The following TENM2 variants were observed in gnomAD, a reference collection of about 807,000 sequenced individuals.
TENM2 encodes the protein teneurin transmembrane protein 2, also known as teneurin-2.
TENM2 carries 52 observed loss-of-function variants against 245.2 expected under a neutral mutation model. The observed-to-expected ratio is 0.21, with a 90% confidence interval of 0.17 to 0.27. The LOEUF is 0.27. Ranked by LOEUF, TENM2 falls within the 10% of genes least tolerant of loss-of-function variation. TENM2 has a pLI of 1.00. For synonymous variants in TENM2, 1,363 were observed against 1,438.9 expected, an observed-to-expected ratio of 0.95 and a Z score of 1.19; for missense variants, 3,046 against 3,666.8, an observed-to-expected ratio of 0.83 and a Z score of 4.37.
At chr5:167,439,217 T>C (rs1764748804) in intron 2 of TENM2, among the ~76,000 whole-genome samples, 1 of 152,194 alleles carries the variant, frequency 6.6e-6, no homozygotes, top group South Asian at 2.1e-4. Flanking sequence ...TGAAATAATG[T>C]AGGCTGATAA....
At chr5:168,044,151 C>T (rs962668831) in intron 5 of TENM2, among the ~76,000 whole-genome samples, 1 of 152,200 alleles carries the variant, frequency 6.6e-6, no homozygotes, top group African/African-American at 2.4e-5. Context: ...CGCGGTGGCT[C>T]ACGCCTGTAA....
At chr5:167,491,558 A>G (rs1387320592) in intron 2 of TENM2, among the ~76,000 whole-genome samples, 2 of 152,178 alleles carry the variant, frequency 1.3e-5, no homozygotes, top group Non-Finnish European at 2.9e-5. Context: ...TCACAAACAC[A>G]TTGGAAAATT....
intron 7 of TENM2, among the ~76,000 whole-genome samples, chr5:168,089,422 C>T (rs187443432): frequency 1.9e-4 from 29 of 152,290 alleles, no homozygotes; most frequent in African/African-American, 6.7e-4. Flanking sequence ...TCAATAGCTC[C>T]CACTTGCCTG....
chr5:167,983,354 G>T (rs903880674), intron 4 of TENM2, among the ~76,000 whole-genome samples: 4 of 152,182 alleles, frequency 2.6e-5, no homozygotes, highest in Admixed American at 2.0e-4. Context: ...TTGTATCACA[G>T]TGTGACACTA....
chr5:167,282,717 T>G (rs1771128569), upstream of TENM2, among the ~76,000 whole-genome samples: 1 of 152,156 alleles, frequency 6.6e-6, no homozygotes, highest in African/African-American at 2.4e-5. Context: ...GGCATCCAAT[T>G]AAGACTTCAA....
chr5:167,590,393 A>G (rs1381019557), intron 2 of TENM2, among the ~76,000 whole-genome samples: 1 of 152,062 alleles, frequency 6.6e-6, no homozygotes, highest in Non-Finnish European at 1.5e-5. Context: ...TAATGTTATA[A>G]TGACATTAAC....
rs924305926 is a variant in TENM2, at chr5:167,428,719, GA to G, written c.502+53254del. The stretch of plus-strand genomic sequence containing the variant: ...GTTTTAGTATATAACTCTGAACAAT[GA>G]AAAAAAAGAGCATTTTCTGTATCCC... On this transcript the variant is annotated intron_variant, in intron 2 of 28. Coordinates refer to ENST00000518659, the Ensembl canonical transcript of TENM2. Among the ~76,000 whole-genome samples, 608 of 151,852 alleles carry G rather than the reference GA, an allele frequency of 4.0e-3. 5 individuals carry two copies. The highest frequency in any genetic ancestry group is 5.3e-3 in the Non-Finnish European group (361 of 67,890).
intron 1 of TENM2, among the ~76,000 whole-genome samples, chr5:167,328,485 C>G (rs1757233027): frequency 6.6e-6 from 1 of 152,134 alleles, no homozygotes; most frequent in Non-Finnish European, 1.5e-5. Flanking sequence ...GCCACCACAC[C>G]CAGCCAGTTT....
chr5:167,405,799 C>CACACACACACACAT (rs1328597390), intron 2 of TENM2, among the ~76,000 whole-genome samples: 4 of 151,440 alleles, frequency 2.6e-5, no homozygotes, highest in Non-Finnish European at 4.4e-5. Context: ...CACACACACA[C>CACACACACACACAT]GCACACAGAG....
At position 167,437,190 on chromosome 5, in the gene TENM2, G is replaced by A. The variant is rs141327597; in HGVS notation, c.502+61717G>A. Among the ~76,000 whole-genome samples the A allele has an allele frequency of 7.7e-3, 1,177 of 152,274 alleles. 9 individuals carry two copies. Among genetic ancestry groups the A allele is most frequent in the Non-Finnish European group, 0.012 (790 of 68,022 alleles). ...GGGCTATACCCTACAAAGCCACAGG[G>A]GTGGAGCTGCCCAAGACCATGGGAA... On this transcript the variant is annotated intron_variant, in intron 2 of 28. Transcript: ENST00000518659.
chr5:167,431,672 C>T (rs558142565), intron 2 of TENM2, among the ~76,000 whole-genome samples: 7 of 151,786 alleles, frequency 4.6e-5, no homozygotes, highest in African/African-American at 1.7e-4. Flanking sequence ...CAACAACAGA[C>T]ATTTATCGAT....
chr5:167,807,242 G>C (rs1387632412), intron 2 of TENM2, among the ~76,000 whole-genome samples: 1 of 151,228 alleles, frequency 6.6e-6, no homozygotes, highest in Non-Finnish European at 1.5e-5. Flanking sequence ...ACTTTTTTGG[G>C]GGGTAAGGTT....
chr5:167,677,388 T>C (rs1756403455), intron 2 of TENM2, among the ~76,000 whole-genome samples: 1 of 151,906 alleles, frequency 6.6e-6, no homozygotes, highest in African/African-American at 2.4e-5. Context: ...ATAGATGAGG[T>C]AGAGAACAAC....
intron 5 of TENM2, among the ~76,000 whole-genome samples, chr5:168,042,909 C>G (rs183328215): frequency 1.1e-4 from 17 of 152,266 alleles, no homozygotes; most frequent in African/African-American, 3.6e-4. Flanking sequence ...CATGAGTTTC[C>G]GCTCAGAGCC....
chr5:167,089,702 T>C, the TENM2 span, among the ~76,000 whole-genome samples: 2 of 152,136 alleles, frequency 1.3e-5, no homozygotes, highest in African/African-American at 2.4e-5. Context: ...GCATTACATA[T>C]ATTATCAAGC....
chr5:167,944,323 G>A (rs941719974), intron 3 of TENM2, among the ~76,000 whole-genome samples: 4 of 151,884 alleles, frequency 2.6e-5, no homozygotes, highest in Admixed American at 1.3e-4. Flanking sequence ...TGCCTGAACC[G>A]CTAGAACAAA....
At chr5:167,736,417 C>T (rs773713959) in intron 2 of TENM2, among the ~76,000 whole-genome samples, 56 of 151,994 alleles carry the variant, frequency 3.7e-4, no homozygotes, top group Non-Finnish European at 6.9e-4. Flanking sequence ...TCTAACCAAA[C>T]AGAATTTGAA....
the TENM2 span, among the ~76,000 whole-genome samples, chr5:167,100,757 T>C: frequency 2.0e-5 from 3 of 152,172 alleles, no homozygotes; most frequent in Non-Finnish European, 2.9e-5. Context: ...TATAAAATGC[T>C]TCCCTTGTAT....
chr5:167,872,360 AGAAG>A (rs1345392245), intron 2 of TENM2, among the ~76,000 whole-genome samples: 1,718 of 144,472 alleles, frequency 0.012, 49 homozygotes, highest in African/African-American at 0.043. Context: ...GAAAGGAAAG[AGAAG>A]GAAGGAAGGA....
Sources: allele counts gnomAD v4.1 joint callset (sites outside exome capture counted in the v4.1 genomes callset), GRCh38; gene constraint gnomAD v4.1.1; transcripts MANE v1.5; gene names NCBI Gene and HGNC (gene_info 2026-07-23, HGNC 2026-07-21).